Variants in MAP2K4 observed in about 807,000 individuals in gnomAD.
MAP2K4 encodes the protein mitogen-activated protein kinase kinase 4, also known as dual specificity mitogen-activated protein kinase kinase 4.
Under a neutral mutation model 48.5 loss-of-function variants are expected in MAP2K4, and 4 were observed. The ratio of observed to expected loss-of-function variants is 0.08; its 90% CI spans 0.04 to 0.19. MAP2K4 has a LOEUF of 0.19. MAP2K4 is among the 10% of genes least tolerant of loss of function. The pLI is 1.00. For missense variants in MAP2K4, 258 were observed against 493.3 expected (o/e 0.52, Z 4.52); for synonymous variants, 166 against 173.1 (o/e 0.96, Z 0.32).
chr17:12,095,322 TTA>T (rs1971699204), intron 3 of MAP2K4: 2 of 472,744 alleles, frequency 4.2e-6, no homozygotes, highest in South Asian at 4.2e-5. Flanking sequence ...ACTCCCAACA[TTA>T]TTAGTAAATG....
At chr17:12,135,737 A>G (rs1973186477) in intron 9 of MAP2K4, among the ~76,000 whole-genome samples, 1 of 151,306 alleles carries the variant, frequency 6.6e-6, no homozygotes, top group African/African-American at 2.4e-5. Context: ...TTTAGTACAG[A>G]CAGGGTTTTG....
At chr17:12,068,993 C>T (rs1970704608) in intron 2 of MAP2K4, among the ~76,000 whole-genome samples, 1 of 151,942 alleles carries the variant, frequency 6.6e-6, no homozygotes, top group East Asian at 1.9e-4. Flanking sequence ...GAAAATCTAA[C>T]ATTTAGAGGT....
At chr17:12,049,813 A>G (rs1970076808) in intron 1 of MAP2K4, among the ~76,000 whole-genome samples, 1 of 152,224 alleles carries the variant, frequency 6.6e-6, no homozygotes, top group Non-Finnish European at 1.5e-5. Context: ...AAGGAGCAGC[A>G]AGGTCCCTTT....
chr17:12,084,911 A>G (rs999919817), intron 3 of MAP2K4, among the ~76,000 whole-genome samples: 2 of 149,792 alleles, frequency 1.3e-5, no homozygotes, highest in African/African-American at 2.4e-5. Context: ...CAGAAAATCT[A>G]GGGACACAGG....
chr17:12,066,772 C>T (rs1326672965), intron 2 of MAP2K4, among the ~76,000 whole-genome samples: 1 of 152,202 alleles, frequency 6.6e-6, no homozygotes, highest in African/African-American at 2.4e-5. Context: ...TCACTGCAAG[C>T]TCCGCCTTCC....
chr17:12,047,543 G>T (rs1970008003), intron 1 of MAP2K4, among the ~76,000 whole-genome samples: 1 of 152,120 alleles, frequency 6.6e-6, no homozygotes. Flanking sequence ...TGATTTCCCT[G>T]GTTTCTAGTT....
rs1972169003 is a variant in MAP2K4, at chr17:12,107,782, T to C, written c.514-8T>C. 1 of 1,570,436 alleles carries C rather than the reference T, an allele frequency of 6.4e-7. No homozygotes were observed. The highest frequency in any genetic ancestry group is 1.2e-5 in the South Asian group (1 of 83,000). ...GTATAAGAATAACAGATATTTGTTA[T>C]TTTATAGGGTGACTGTTGGATCTGT... On this transcript the variant is annotated splice_polypyrimidine_tract_variant and splice_region_variant and intron_variant, in intron 4 of 10. Transcript: ENST00000353533.
chr17:12,042,432 G>C (rs1195332146), intron 1 of MAP2K4, among the ~76,000 whole-genome samples: 1 of 151,876 alleles, frequency 6.6e-6, no homozygotes, highest in Admixed American at 6.6e-5. Flanking sequence ...AAGTCAGCTT[G>C]GAATAAAAAA....
In MAP2K4 at chr17:12,020,884, A is replaced by G. The variant is rs1483891420; in HGVS notation, c.-3A>G. On this transcript the variant is annotated 5_prime_UTR_variant, in exon 1 of 11. Transcript: ENST00000353533. Reference sequence around the variant, plus strand: ...GGCGCCGCTCGGCTCTTCACTCCCAACAATGGCGGCTCCGAGCCCGAGCGG... The same window carrying G: ...GGCGCCGCTCGGCTCTTCACTCCCAGCAATGGCGGCTCCGAGCCCGAGCGG... 5.0e-6 allele frequency: 6 copies of G among 1,207,944 alleles called. No individual in the cohort carries two copies. The East Asian group carries it at 9.9e-5, about 20-fold the overall frequency. The allele number at this position is 1,207,944 out of a possible 1,614,324, so 74.8% of individuals were successfully genotyped here. A position where few individuals can be genotyped will look rare whatever the true frequency, so the allele number is the denominator to read the frequency against.
intron 2 of MAP2K4, among the ~76,000 whole-genome samples, chr17:12,076,945 T>C (rs1273686372): frequency 6.6e-6 from 1 of 152,164 alleles, no homozygotes; most frequent in Non-Finnish European, 1.5e-5. Context: ...TACTGTGGTA[T>C]GGACTAGAGA....
intron 1 of MAP2K4, 35 bp downstream of exon 1, chr17:12,021,036 C>T (rs1486855771): frequency 1.7e-6 from 2 of 1,169,374 alleles, no homozygotes; most frequent in Non-Finnish European, 2.1e-6. Context: ...TCCCAGCCCC[C>T]TAGCGCGGCA....
chr17:12,088,646 T>C (rs1971464866), intron 3 of MAP2K4, among the ~76,000 whole-genome samples: 1 of 146,260 alleles, frequency 6.8e-6, no homozygotes, highest in East Asian at 2.0e-4. Context: ...TCTTTTCTTC[T>C]TTTGATTTTT....
chr17:12,103,460 T>A (rs567701311), intron 4 of MAP2K4, among the ~76,000 whole-genome samples: 1 of 152,268 alleles, frequency 6.6e-6, no homozygotes, highest in South Asian at 2.1e-4. Context: ...ATTTGCTTTT[T>A]TTGTTTGTTT....
intron 4 of MAP2K4, among the ~76,000 whole-genome samples, chr17:12,101,849 TTA>T (rs1479154752): frequency 6.6e-6 from 1 of 152,138 alleles, no homozygotes; most frequent in African/African-American, 2.4e-5. Context: ...TTTGATTTTT[TTA>T]TATTGATCTT....
chr17:12,062,894 C>T (rs1431951866), intron 2 of MAP2K4, among the ~76,000 whole-genome samples: 1 of 151,532 alleles, frequency 6.6e-6, no homozygotes, highest in Non-Finnish European at 1.5e-5. Context: ...CCCCCCACCT[C>T]CCCTCTTCCC....
At chr17:12,093,141 G>T (rs1971617431) in intron 3 of MAP2K4, among the ~76,000 whole-genome samples, 1 of 152,224 alleles carries the variant, frequency 6.6e-6, no homozygotes, top group South Asian at 2.1e-4. Flanking sequence ...ATGTGGGGAG[G>T]TGTTGATCTC....
chr17:12,101,638 A>G (rs1971940502), intron 4 of MAP2K4, among the ~76,000 whole-genome samples: 1 of 152,096 alleles, frequency 6.6e-6, no homozygotes, highest in African/African-American at 2.4e-5. Flanking sequence ...TCTTAACAGT[A>G]TTAAGTCTGT....
chr17:12,087,182 G>T (rs1219710292), intron 3 of MAP2K4, among the ~76,000 whole-genome samples: 1 of 152,072 alleles, frequency 6.6e-6, no homozygotes, highest in Non-Finnish European at 1.5e-5. Flanking sequence ...CTCTGCGTGG[G>T]TGTCATTTGA....
intron 9 of MAP2K4, among the ~76,000 whole-genome samples, chr17:12,132,826 A>G (rs960206965): frequency 6.6e-6 from 1 of 152,188 alleles, no homozygotes; most frequent in Non-Finnish European, 1.5e-5. Context: ...ATTTTTCCTT[A>G]GGGGTATTTA....
Sources: allele counts gnomAD v4.1 joint callset (sites outside exome capture counted in the v4.1 genomes callset), GRCh38; gene constraint gnomAD v4.1.1; transcripts MANE v1.5; gene names NCBI Gene and HGNC (gene_info 2026-07-23, HGNC 2026-07-21).